The following CENPE variants were observed in gnomAD, a reference collection of about 807,000 sequenced individuals.
CENPE encodes centromere protein E, also known as centromere-associated protein E.
A neutral mutation model predicts 336.1 loss-of-function variants in CENPE; 145 were observed. That is an observed-to-expected ratio of 0.43 (90% CI 0.38 to 0.50). The LOEUF (loss-of-function observed/expected upper bound fraction) is 0.50. CENPE is among the 20% of genes least tolerant of loss of function. The pLI is 0.00. For missense variants in CENPE, 2,719 were observed against 3,023.3 expected (o/e 0.90, Z 2.36); for synonymous variants, 1,013 against 984.8 (o/e 1.03, Z -0.54).
intron 43 of CENPE, among the ~76,000 whole-genome samples, chr4:103,122,662 TTA>T (rs1189073672): frequency 1.3e-5 from 2 of 152,184 alleles, no homozygotes; most frequent in East Asian, 1.9e-4. Context: ...AAGCTACAAT[TTA>T]TGTTTTATAA....
At chr4:103,163,425 C>T in intron 17 of CENPE, 54 bp downstream of exon 17, 1 of 1,339,514 alleles carries the variant, frequency 7.5e-7, no homozygotes. Flanking sequence ...ACATATGTTG[C>T]ATGTTTTATA....
Position 103,145,267 on chromosome 4 carries a change from A to G in CENPE, c.4640T>C (p.Val1547Ala), listed in dbSNP as rs1038006972. ...IKQISEVQEK[V>A]NELKQFKEHR... ...CTCCTTGAATTGTTTCAGTTCATTC[A>G]CTTTTTCCTGAACCTCACTAATTTG... Residue 1547 changes from valine to alanine, a missense_variant, in exon 32 of 49, where the codon GTG becomes GCG. Physicochemically the swap from Val to Ala is moderately conservative, Grantham distance 64. Around this residue, in one of 5 missense-constraint regions of CENPE, gnomAD observed 2,437 missense variants for 2,513.3 expected, o/e 0.97. Coordinates refer to ENST00000265148, the MANE Select transcript of CENPE (RefSeq NM_001813.3). The G allele has an allele frequency of 6.8e-6, 11 of 1,611,010 alleles. No individual in the cohort carries two copies. The highest frequency in any genetic ancestry group is 2.7e-5 in the African/African-American group (2 of 74,824).
At position 103,138,376 on chromosome 4, in the gene CENPE, A is replaced by C; in HGVS notation, c.6278T>G (p.Leu2093Arg). 1.2e-6 allele frequency: 2 copies of C among 1,613,084 alleles called. No individual in the cohort carries two copies. The highest frequency in any genetic ancestry group is 1.7e-6 in the Non-Finnish European group (2 of 1,179,116). Reference protein sequence around the residue: ...SDGQQHLTESLREKCSRIKEL... With the variant: ...SDGQQHLTESRREKCSRIKEL... Reference sequence around the variant, plus strand: ...TTTTATTCTAGAGCACTTTTCTCTCAGGCTTTCCGTAAGGTGCTGTTGTCC... The same window carrying C: ...TTTTATTCTAGAGCACTTTTCTCTCCGGCTTTCCGTAAGGTGCTGTTGTCC... The change falls in exon 39 of 49, where the codon CTG (leucine) becomes CGG (arginine). Residue 2093 changes from leucine (L) to arginine (R), a missense_variant. Transcript: ENST00000265148.
intron 45 of CENPE, 106 bp downstream of exon 45, chr4:103,116,471 T>C: frequency 3.7e-6 from 2 of 547,328 alleles, no homozygotes; most frequent in South Asian, 6.4e-5. Context: ...GCTGTAACAA[T>C]ATTTTCATAA....
chr4:103,118,660 G>C (rs1394757429), intron 44 of CENPE, among the ~76,000 whole-genome samples: 1 of 152,046 alleles, frequency 6.6e-6, no homozygotes, highest in Non-Finnish European at 1.5e-5. Context: ...TTCTAGTTTT[G>C]CATTTTACAT....
intron 38 of CENPE, among the ~76,000 whole-genome samples, chr4:103,138,922 T>C (rs1412352049): frequency 6.6e-6 from 1 of 152,208 alleles, no homozygotes; most frequent in Non-Finnish European, 1.5e-5. Context: ...CTTCCAAATC[T>C]CTGCATTATT....
chr4:103,172,780 A>ATCTC (rs1456862031), intron 16 of CENPE, among the ~76,000 whole-genome samples: 19 of 152,064 alleles, frequency 1.2e-4, no homozygotes, highest in South Asian at 1.0e-3. Flanking sequence ...AAAAAGTAGT[A>ATCTC]TCTCTATATG....
chr4:103,108,630 T>C (rs1341617066), intron 48 of CENPE, among the ~76,000 whole-genome samples, 173 bp downstream of exon 48: 1 of 152,138 alleles, frequency 6.6e-6, no homozygotes, highest in Admixed American at 6.5e-5. Context: ...CACTTCACTG[T>C]GTGGGGTGCC....
intron 42 of CENPE, among the ~76,000 whole-genome samples, chr4:103,124,760 C>T (rs1578558299): frequency 6.6e-6 from 1 of 152,178 alleles, no homozygotes; most frequent in South Asian, 2.1e-4. Flanking sequence ...AGTCTCATCC[C>T]TAACTTCTTT....
chr4:103,123,014 A>G lies in CENPE; in HGVS notation c.7000T>C (p.Ser2334Pro), dbSNP rs201826180. The G allele has an allele frequency of 1.8e-5, 29 of 1,613,802 alleles. No individual in the cohort carries two copies. Among genetic ancestry groups the G allele is most frequent in the Non-Finnish European group, 2.5e-5 (29 of 1,179,896 alleles). ...AGTTTTTCATTTTTCTCTTTCAGTG[A>G]TTTCAGGTCCTGTTCCCACTCTTTG... Reference protein sequence around the residue: ...ISKEWEQDLKSLKEKNEKLFK... With the variant: ...ISKEWEQDLKPLKEKNEKLFK... The change falls in exon 43 of 49, where the codon TCA becomes CCA. Residue 2334 changes from serine (S) to proline (P), a missense_variant. Physicochemically the swap from Ser to Pro is moderately conservative, Grantham distance 74. This residue lies in a region of CENPE where 2,437 missense variants were observed against 2,513.3 expected (regional missense o/e 0.97). Transcript: ENST00000265148.
intron 42 of CENPE, among the ~76,000 whole-genome samples, chr4:103,130,539 C>G (rs1450223298): frequency 6.6e-6 from 1 of 152,048 alleles, no homozygotes; most frequent in Admixed American, 6.5e-5. Flanking sequence ...GAGAAATATT[C>G]CATATTCATG....
intron 17 of CENPE, 52 bp from the exon 18 acceptor site, chr4:103,163,308 A>G: frequency 6.6e-7 from 1 of 1,520,460 alleles, no homozygotes; most frequent in Non-Finnish European, 9.0e-7. Context: ...TTGAAGTCTA[A>G]GGGATTAAAA....
chr4:103,195,079 G>A (rs1162199236), intron 5 of CENPE, 35 bp downstream of exon 5: 11 of 1,534,010 alleles, frequency 7.2e-6, no homozygotes, highest in African/African-American at 4.2e-5. Flanking sequence ...CAATAAGTCA[G>A]TCAATTTTAA....
intron 41 of CENPE, 119 bp from the exon 42 acceptor site, chr4:103,133,015 C>G (rs1751752550): frequency 6.3e-6 from 1 of 157,824 alleles, no homozygotes; most frequent in African/African-American, 2.9e-5. Context: ...CTAGTGGACT[C>G]TTGCTTTTCT....
chr4:103,153,068 G>A lies in CENPE; in HGVS notation c.3216C>T (p.Asp1072=). 6.2e-7 allele frequency: 1 copy of A among 1,611,548 alleles called. No homozygotes were observed. Among genetic ancestry groups the A allele is most frequent in the Non-Finnish European group, 8.5e-7 (1 of 1,178,864 alleles). Residue 1072 remains aspartate (D), a synonymous_variant, in exon 25 of 49, where the codon GAC becomes GAT. Coordinates refer to ENST00000265148, the MANE Select transcript of CENPE (RefSeq NM_001813.3). ...CTACCATTTCAATATTTTCCTTTAG[G>A]TCAGTCTTCAATTGTTCCTTTTCTG... ...VIAEKEQLKT[D]LKENIEMTIE...
Position 103,144,534 on chromosome 4 carries a change from G to A in CENPE, c.4942C>T (p.His1648Tyr). ...TGGGTCTCAAATTGCTCCTTCAAGT[G>A]TTCTATTTCACACATTTTCTCCTGA... ...ETQEKMCEIE[H>Y]LKEQFETQKL... Residue 1648 changes from histidine (H) to tyrosine (Y), a missense_variant, in exon 33 of 49, where the codon CAC becomes TAC. His to Tyr is a moderately conservative substitution (Grantham distance 83). Transcript: ENST00000265148. 1.2e-6 allele frequency: 2 copies of A among 1,613,354 alleles called. No individual in the cohort carries two copies. Among genetic ancestry groups the A allele is most frequent in the Non-Finnish European group, 8.5e-7 (1 of 1,179,492 alleles).
rs557832604 is a variant in CENPE, at chr4:103,189,897, C to T, written c.694-4036G>A. Among the ~76,000 whole-genome samples the T allele has an allele frequency of 2.6e-5, 4 of 152,212 alleles. No individual in the cohort carries two copies. In the South Asian group the frequency reaches 6.2e-4, roughly 24 times the overall value. On this transcript the variant is annotated intron_variant, in intron 8 of 48. Coordinates refer to ENST00000265148, the MANE Select transcript of CENPE (RefSeq NM_001813.3). ...TGATTGTGTATCTAGAAAACCCCAT[C>T]GTCTCAGCCCAAAATCTCCTTAGGC...
chr4:103,158,023 T>C (rs1754101461), intron 24 of CENPE, among the ~76,000 whole-genome samples: 1 of 151,914 alleles, frequency 6.6e-6, no homozygotes, highest in African/African-American at 2.4e-5. Flanking sequence ...AATTTTAAAC[T>C]CTAAGCAAGT....
At chr4:103,188,998 G>C (rs903087880) in intron 8 of CENPE, among the ~76,000 whole-genome samples, 3 of 152,214 alleles carry the variant, frequency 2.0e-5, no homozygotes, top group African/African-American at 7.2e-5. Flanking sequence ...ACTACCATCA[G>C]AGAATACTAT....
Sources: allele counts gnomAD v4.1 joint callset (sites outside exome capture counted in the v4.1 genomes callset), GRCh38; gene constraint gnomAD v4.1.1; regional missense constraint gnomAD v4.1.1; transcripts MANE v1.5; gene names NCBI Gene and HGNC (gene_info 2026-07-23, HGNC 2026-07-21).